The following NTAN1 variants were observed in gnomAD, a reference collection of about 807,000 sequenced individuals.
NTAN1 encodes the protein protein N-terminal asparagine amidohydrolase.
NTAN1 carries 32 observed loss-of-function variants against 41.9 expected under a neutral mutation model. That is an observed-to-expected ratio of 0.76 (90% CI 0.58 to 1.03). The LOEUF (loss-of-function observed/expected upper bound fraction) is 1.03. Among genes scored for constraint, NTAN1 ranks in the 50% least tolerant of loss-of-function variants. NTAN1 has a pLI of 0.00. For missense variants in NTAN1, 377 were observed against 377.5 expected (o/e 1.00, Z 0.01); for synonymous variants, 140 against 139.5 (o/e 1.00, Z -0.03).
At position 15,055,914 on chromosome 16, in the gene NTAN1, C is replaced by T. The variant is rs1480138544; in HGVS notation, c.58G>A (p.Val20Ile). The T allele has an allele frequency of 1.6e-6, 2 of 1,232,594 alleles. No homozygotes were observed. The highest frequency in any genetic ancestry group is 2.0e-6 in the Non-Finnish European group (2 of 987,560). The allele number at this position is 1,232,594 out of a possible 1,614,324, so 76.4% of individuals were successfully genotyped here. The change falls in exon 1 of 10, where the codon GTC becomes ATC. Residue 20 changes from valine to isoleucine, a missense_variant. Transcript: ENST00000287706. The stretch of plus-strand genomic sequence containing the variant: ...ACCTCCAAAGGCGGGTGGGCTCGGA[C>T]GAGGTCCCCGGCTGACTGCGGCAGC... ...VRLPQSAGDL[V>I]RAHPPLEERA... is the part of the protein sequence containing the mutation.
chr16:15,040,289 G>C (rs928814990), intron 7 of NTAN1: 3 of 419,288 alleles, frequency 7.2e-6, no homozygotes, highest in East Asian at 7.4e-5. Flanking sequence ...GTGAGATTTT[G>C]TTCTAAACCA....
intron 9 of NTAN1, 137 bp from the exon 10 acceptor site, chr16:15,038,347 G>GT (rs1400539136): frequency 4.7e-6 from 3 of 631,968 alleles, no homozygotes; most frequent in Non-Finnish European, 7.7e-6. Flanking sequence ...GCCTGAATTA[G>GT]TAAGAAAAAA....
At chr16:15,051,697 AATT>A (rs949803373) in intron 1 of NTAN1, among the ~76,000 whole-genome samples, 1 of 115,794 alleles carries the variant, frequency 8.6e-6, no homozygotes, top group Non-Finnish European at 1.8e-5. Flanking sequence ...CTTTATTTTT[AATT>A]TTTTTTTTTT....
intron 1 of NTAN1, among the ~76,000 whole-genome samples, chr16:15,049,786 G>A (rs889413899): frequency 1.3e-5 from 2 of 152,146 alleles, no homozygotes; most frequent in African/African-American, 4.8e-5. Context: ...AGTAAATTGG[G>A]CACAGAACCA....
At chr16:15,039,208 C>T in intron 8 of NTAN1, among the ~76,000 whole-genome samples, 1 of 152,314 alleles carries the variant, frequency 6.6e-6, no homozygotes, top group East Asian at 1.9e-4. Flanking sequence ...TAGCAATATT[C>T]ACTTTGGTAA....
rs919630328 is a variant in NTAN1, at chr16:15,056,011, G to A, written c.-40C>T. On this transcript the variant is annotated 5_prime_UTR_variant, in exon 1 of 10. Transcript: ENST00000287706. Reference sequence around the variant, plus strand: ...CCCAGGCAGGCCCAGGGAGGCGGCGGCCCCCCGCTTTGCAGCCCCGGGCCG... The same window carrying A: ...CCCAGGCAGGCCCAGGGAGGCGGCGACCCCCCGCTTTGCAGCCCCGGGCCG... 2 of 1,113,788 alleles carry A rather than the reference G, an allele frequency of 1.8e-6. No homozygotes were observed. The highest frequency in any genetic ancestry group is 8.8e-5 in the South Asian group (2 of 22,610). 69.0% of individuals were successfully genotyped at this position (1,113,788 alleles called of 1,614,324 possible).
intron 1 of NTAN1, among the ~76,000 whole-genome samples, chr16:15,053,250 C>T (rs1467322359): frequency 6.6e-6 from 1 of 152,228 alleles, no homozygotes; most frequent in East Asian, 1.9e-4. Flanking sequence ...GGATGTGGGG[C>T]CTGGGGCCAG....
intron 1 of NTAN1, among the ~76,000 whole-genome samples, chr16:15,048,306 G>A (rs1343542669): frequency 6.6e-6 from 1 of 152,178 alleles, no homozygotes; most frequent in Non-Finnish European, 1.5e-5. Context: ...CTGCGCGGTG[G>A]TTTTTTTAAC....
chr16:15,047,646 T>C, intron 3 of NTAN1, 96 bp from the exon 4 acceptor site: 1 of 1,009,484 alleles, frequency 9.9e-7, no homozygotes, highest in Non-Finnish European at 1.6e-6. Flanking sequence ...GCCTCATCTT[T>C]GAATATCCTG....
intron 8 of NTAN1, among the ~76,000 whole-genome samples, chr16:15,039,696 C>T (rs1251101684): frequency 1.3e-5 from 2 of 152,138 alleles, no homozygotes; most frequent in Admixed American, 1.3e-4. Flanking sequence ...TACAAAGTAA[C>T]AGAAGTTTGT....
At chr16:15,046,461 G>C (rs907053918) in intron 4 of NTAN1, among the ~76,000 whole-genome samples, 1 of 152,118 alleles carries the variant, frequency 6.6e-6, no homozygotes, top group African/African-American at 2.4e-5. Context: ...GTGTGCTCCA[G>C]CACATCGAGC....
chr16:15,042,806 C>T (rs2043880633), intron 5 of NTAN1, among the ~76,000 whole-genome samples: 1 of 151,998 alleles, frequency 6.6e-6, no homozygotes, highest in South Asian at 2.1e-4. Flanking sequence ...GATCTCAGCT[C>T]ACTGCAACCT....
rs527267412 is a variant in NTAN1 at position 15,041,747 on chromosome 16, C to T, written c.434-71G>A. On this transcript the variant is annotated intron_variant, in intron 5 of 9. Transcript: ENST00000287706. ...TTACCAGAACAAACTGCTGAGCAAG[C>T]CAACGACAGGGAGGGACGGCAGCCA... 33 of 1,130,418 alleles carry T rather than the reference C, an allele frequency of 2.9e-5. No homozygotes were observed. In the East Asian group the frequency reaches 4.3e-4, roughly 15 times the overall value. 70.0% of individuals were successfully genotyped at this position (1,130,418 alleles called of 1,614,324 possible). A position where few individuals can be genotyped will look rare whatever the true frequency, so the allele number is the denominator to read the frequency against.
In NTAN1 at chr16:15,048,015, C is replaced by T; in HGVS notation, c.166G>A (p.Val56Met). ...AACCTACCATCCTTTGGGGAGGTCA[C>T]TGCAAGCTCTCTTTGCTGAACATAC... is the stretch of plus-strand genomic sequence containing the variant. ...LLYVQQRELA[V>M]TSPKDGSISI... Residue 56 changes from valine to methionine, a missense_variant, in exon 2 of 10, where the codon GTG becomes ATG. Transcript: ENST00000287706. 1 of 1,612,904 alleles carries T rather than the reference C, an allele frequency of 6.2e-7. No homozygotes were observed. The highest frequency in any genetic ancestry group is 8.5e-7 in the Non-Finnish European group (1 of 1,178,852).
intron 1 of NTAN1, among the ~76,000 whole-genome samples, chr16:15,049,332 G>A (rs200485220): frequency 6.6e-6 from 1 of 152,148 alleles, no homozygotes; most frequent in East Asian, 1.9e-4. Flanking sequence ...CCTGGCCTCC[G>A]CTTTTTTACC....
In NTAN1 at chr16:15,042,743, T is replaced by TATTTATTG. The variant is rs1051851732; in HGVS notation, c.434-1075_434-1068dup. 2.7e-5 allele frequency among the ~76,000 whole-genome samples: 4 copies of TATTTATTG among 148,766 alleles called. No individual in the cohort carries two copies. The South Asian group carries it at 8.4e-4, about 31-fold the overall frequency. On this transcript the variant is annotated intron_variant, in intron 5 of 9. Transcript: ENST00000287706. Reference sequence around the variant, plus strand: ...CTATTTATTTATTTATTTATTTATTTATTTATTGAGACGAAGTCTCGCTCT... The same window carrying TATTTATTG: ...CTATTTATTTATTTATTTATTTATTTATTTATTGATTTATTGAGACGAAGTCTCGCTCT...
chr16:15,056,055 C>A lies in NTAN1; in HGVS notation c.-84G>T, dbSNP rs2044507128. 3.8e-6 allele frequency: 2 copies of A among 527,572 alleles called. No homozygotes were observed. The highest frequency in any genetic ancestry group is 5.0e-6 in the Non-Finnish European group (2 of 398,320). The allele number at this position is 527,572 out of a possible 1,614,324, so 32.7% of individuals were successfully genotyped here. ...CGGGCCGCCCGCCGCCCCCGCCCCT[C>A]GGGCCGCGCGTCCCGCCTCGTCCTG... On this transcript the variant is annotated 5_prime_UTR_variant, in exon 1 of 10. Transcript: ENST00000287706.
At position 15,055,973 on chromosome 16, in the gene NTAN1, G is replaced by C. The variant is rs2044498298; in HGVS notation, c.-2C>G. Reference sequence around the variant, plus strand: ...CCGCCCCTCGACGAGCAGCGGCATCGCGGAGGCGGCCGCCCAGGCAGGCCC... The same window carrying C: ...CCGCCCCTCGACGAGCAGCGGCATCCCGGAGGCGGCCGCCCAGGCAGGCCC... On this transcript the variant is annotated 5_prime_UTR_variant, in exon 1 of 10. Transcript: ENST00000287706. The C allele has an allele frequency of 8.2e-7, 1 of 1,221,498 alleles. No homozygotes were observed. The highest frequency in any genetic ancestry group is 1.0e-6 in the Non-Finnish European group (1 of 980,986). 75.7% of individuals were successfully genotyped at this position (1,221,498 alleles called of 1,614,324 possible).
At chr16:15,051,588 C>G (rs1300968849) in intron 1 of NTAN1, among the ~76,000 whole-genome samples, 1 of 152,228 alleles carries the variant, frequency 6.6e-6, no homozygotes, top group African/African-American at 2.4e-5. Flanking sequence ...CTCAGGTGAT[C>G]CTCCTGCTTC....
Sources: allele counts gnomAD v4.1 joint callset (sites outside exome capture counted in the v4.1 genomes callset), GRCh38; gene constraint gnomAD v4.1.1; transcripts MANE v1.5; gene names NCBI Gene and HGNC (gene_info 2026-07-23, HGNC 2026-07-21).